Variants in HDX observed in about 807,000 individuals in gnomAD.
HDX encodes highly divergent homeobox.
HDX carries 19 observed loss-of-function variants against 45.2 expected under a neutral mutation model. The ratio of observed to expected loss-of-function variants is 0.42; its 90% CI spans 0.29 to 0.62. HDX has a LOEUF of 0.62. Ranked by LOEUF, HDX falls within the 20% of genes least tolerant of loss-of-function variation. HDX has a pLI of 0.20. For missense variants in HDX, 532 were observed against 493.9 expected (o/e 1.08, Z -0.73); for synonymous variants, 188 against 172.8 (o/e 1.09, Z -0.69).
At chrX:84,369,646 G>T (rs748804142) in intron 5 of HDX, among the ~76,000 whole-genome samples, 1 of 111,810 alleles carries the variant, frequency 8.9e-6, no homozygotes, top group South Asian at 3.7e-4. Context: ...ATCCTAATTG[G>T]TGTGAGGTGA....
At chrX:84,389,877 G>T (rs191943987) in intron 5 of HDX, among the ~76,000 whole-genome samples, 1 of 110,879 alleles carries the variant, frequency 9.0e-6, no homozygotes, top group Non-Finnish European at 1.9e-5. Context: ...CATGTCTGTC[G>T]GGAATGCGTG....
chrX:84,413,067 A>C (rs781297396), intron 5 of HDX, among the ~76,000 whole-genome samples: 1 of 111,666 alleles, frequency 9.0e-6, no homozygotes, highest in Admixed American at 9.5e-5. Context: ...AGTATCCCTT[A>C]AATTCCTCAG....
In HDX at chrX:84,436,798, G is replaced by A. The variant is rs1456325263; in HGVS notation, c.1305+3734C>T. 2.9e-5 allele frequency among the ~76,000 whole-genome samples: 3 copies of A among 102,780 alleles called. No individual in the cohort carries two copies. In the East Asian group the frequency reaches 9.0e-4, roughly 31 times the overall value. 89.3% of individuals were successfully genotyped at this position (102,780 alleles called of 115,157 possible). A position where few individuals can be genotyped will look rare whatever the true frequency, so the allele number is the denominator to read the frequency against. ...GCTGATTAATGTGTATTCTGCAGCC[G>A]TTGGATGAAAATGTTTTGTAAATGT... is the stretch of plus-strand genomic sequence containing the variant. On this transcript the variant is annotated intron_variant, in intron 5 of 10. Transcript: ENST00000373177.
intron 9 of HDX, 39 bp from the exon 10 acceptor site, chrX:84,326,339 T>C: frequency 9.4e-7 from 1 of 1,068,503 alleles, no homozygotes. Flanking sequence ...TTACCTTATG[T>C]AAACCCAGGA....
At chrX:84,482,660 G>T (rs1012965688) in intron 2 of HDX, among the ~76,000 whole-genome samples, 1 of 111,047 alleles carries the variant, frequency 9.0e-6, no homozygotes. Flanking sequence ...TTTTGGTGGG[G>T]ACACAGCCAA....
intron 6 of HDX, among the ~76,000 whole-genome samples, chrX:84,360,233 C>G (rs188741231): frequency 2.0e-3 from 228 of 111,414 alleles, no homozygotes; most frequent in Non-Finnish European, 3.1e-3. Flanking sequence ...AATGAAATAC[C>G]ATCTCACGCC....
chrX:84,469,766 A>G lies in HDX; in HGVS notation c.148-191T>C, dbSNP rs777367166. On this transcript the variant is annotated intron_variant, in intron 3 of 10. Transcript: ENST00000373177. ...AAAGATGATCAGGGACTCACACTTAATAAATACCTTCAAACTTTGAAAACA... is the reference window on the plus strand; with the variant it reads ...AAAGATGATCAGGGACTCACACTTAGTAAATACCTTCAAACTTTGAAAACA... Among the ~76,000 whole-genome samples the G allele has an allele frequency of 6.2e-5, 7 of 112,096 alleles. No homozygotes were observed. The South Asian group carries it at 2.6e-3, about 41-fold the overall frequency.
At chrX:84,344,660 A>G (rs974912840) in intron 6 of HDX, among the ~76,000 whole-genome samples, 1 of 111,400 alleles carries the variant, frequency 9.0e-6, no homozygotes, top group Non-Finnish European at 1.9e-5. Flanking sequence ...TTTATAACTG[A>G]CAAATAATAA....
intron 4 of HDX, among the ~76,000 whole-genome samples, chrX:84,445,289 A>G (rs2039848212): frequency 8.9e-6 from 1 of 111,786 alleles, no homozygotes; most frequent in Admixed American, 9.5e-5. Context: ...ATCAAGAAAT[A>G]ACCAGACCTC....
rs758412760 is a variant in HDX at position 84,474,196 on chromosome X, G to A, written c.147+1055C>T. 9.4e-4 allele frequency among the ~76,000 whole-genome samples: 105 copies of A among 111,866 alleles called. 1 individual carries two copies. The highest frequency in any genetic ancestry group is 1.5e-3 in the Non-Finnish European group (78 of 53,153). Reference sequence around the variant, plus strand: ...AATTCCAGCTACTCGGGAGGCTGAGGCAGGAGAATCGCTTGAACCTGGGAG... The same window carrying A: ...AATTCCAGCTACTCGGGAGGCTGAGACAGGAGAATCGCTTGAACCTGGGAG... On this transcript the variant is annotated intron_variant, in intron 3 of 10. Transcript: ENST00000373177.
At chrX:84,428,234 A>G (rs1164382888) in intron 5 of HDX, among the ~76,000 whole-genome samples, 1 of 110,389 alleles carries the variant, frequency 9.1e-6, no homozygotes, top group Non-Finnish European at 1.9e-5. Flanking sequence ...TCTTTTCATT[A>G]TCATAACCCT....
intron 2 of HDX, among the ~76,000 whole-genome samples, chrX:84,481,221 T>C (rs967753251): frequency 1.8e-5 from 2 of 111,717 alleles, no homozygotes; most frequent in African/African-American, 6.5e-5. Context: ...TTGTTTGTTC[T>C]TCTTTATTTA....
At chrX:84,385,794 T>C (rs1205172218) in intron 5 of HDX, among the ~76,000 whole-genome samples, 1 of 108,057 alleles carries the variant, frequency 9.3e-6, no homozygotes, top group Admixed American at 9.9e-5. Flanking sequence ...AATCATATCG[T>C]CAACAGAGAG....
At chrX:84,402,961 G>A (rs2038740243) in intron 5 of HDX, among the ~76,000 whole-genome samples, 1 of 111,074 alleles carries the variant, frequency 9.0e-6, no homozygotes, top group African/African-American at 3.3e-5. Flanking sequence ...ACCCTTGCAC[G>A]AAACTTTCAG....
intron 2 of HDX, among the ~76,000 whole-genome samples, chrX:84,483,851 A>G (rs5967487): frequency 2.7e-5 from 3 of 110,196 alleles, no homozygotes; most frequent in South Asian, 3.8e-4. Flanking sequence ...CCTAAATCAT[A>G]TCTCTCAAGT....
chrX:84,335,128 C>G (rs1243391051), intron 8 of HDX, among the ~76,000 whole-genome samples: 1 of 110,692 alleles, frequency 9.0e-6, no homozygotes, highest in Non-Finnish European at 1.9e-5. Flanking sequence ...GAGATGAATC[C>G]AATATTTTGT....
At chrX:84,494,623 C>T (rs1024243727) in intron 1 of HDX, among the ~76,000 whole-genome samples, 1 of 111,676 alleles carries the variant, frequency 9.0e-6, no homozygotes, top group Non-Finnish European at 1.9e-5. Flanking sequence ...TATAAACATA[C>T]ACATATATAG....
chrX:84,439,041 G>T (rs2039701372), intron 5 of HDX, among the ~76,000 whole-genome samples: 1 of 111,499 alleles, frequency 9.0e-6, no homozygotes, highest in African/African-American at 3.3e-5. Context: ...AGGAGAATCA[G>T]TTCTGGTTTT....
intron 1 of HDX, among the ~76,000 whole-genome samples, chrX:84,489,729 T>C (rs991651765): frequency 8.9e-6 from 1 of 112,318 alleles, no homozygotes; most frequent in Admixed American, 9.4e-5. Context: ...TATAAGCTTC[T>C]GTATTACAGG....
Sources: gnomAD v4.1 joint callset for allele counts (sites outside exome capture counted in the v4.1 genomes callset) on GRCh38, gnomAD v4.1.1 for gene constraint, MANE v1.5 for transcripts, NCBI Gene and HGNC (gene_info 2026-07-23, HGNC 2026-07-21) for gene names.